Variants in PRKG1 observed in about 807,000 individuals in gnomAD.
The protein encoded by PRKG1 is cGMP-dependent protein kinase 1.
PRKG1 carries 35 observed loss-of-function variants against 88.1 expected under a neutral mutation model. The observed-to-expected ratio is 0.40, with a 90% confidence interval of 0.30 to 0.53. The LOEUF is 0.53. Ranked by LOEUF, PRKG1 falls within the 20% of genes least tolerant of loss-of-function variation. The pLI, the probability that PRKG1 is intolerant of heterozygous loss-of-function variation, is 0.59. For synonymous variants in PRKG1, 303 were observed against 292.5 expected (o/e 1.04, Z -0.37); for missense variants, 540 against 839.8 (o/e 0.64, Z 4.41).
In PRKG1 at chr10:51,080,017, G is replaced by A. The variant is rs184409107; in HGVS notation, c.311+5116G>A. On this transcript the variant is annotated intron_variant, in intron 1 of 17. Transcript: ENST00000373980. ...AGAATTGAACCTGAAGTTGTTTTTC[G>A]AAAGTCATCTTTCTTGTTTTTGTGG... Among the ~76,000 whole-genome samples the A allele has an allele frequency of 2.7e-3, 411 of 152,222 alleles. 1 individual carries two copies. Among genetic ancestry groups the A allele is most frequent in the African/African-American group, 9.3e-3 (385 of 41,530 alleles).
chr10:51,625,454 G>A (rs1490473774), intron 3 of PRKG1, among the ~76,000 whole-genome samples: 2 of 152,132 alleles, frequency 1.3e-5, no homozygotes, highest in Non-Finnish European at 2.9e-5. Flanking sequence ...TCCAGCCTGG[G>A]TGACAGAGTG....
chr10:51,342,923 C>A (rs900683748), intron 2 of PRKG1, among the ~76,000 whole-genome samples: 4 of 152,128 alleles, frequency 2.6e-5, no homozygotes, highest in African/African-American at 9.7e-5. Flanking sequence ...AGGAGGGGTT[C>A]ATCCATGAGA....
intron 9 of PRKG1, among the ~76,000 whole-genome samples, chr10:52,219,344 C>T (rs1840188387): frequency 6.6e-6 from 1 of 152,170 alleles, no homozygotes; most frequent in African/African-American, 2.4e-5. Flanking sequence ...TACAAACTCT[C>T]TGCATAAGAG....
chr10:51,699,254 T>C, intron 3 of PRKG1: 1 of 1,613,884 alleles, frequency 6.2e-7, no homozygotes, highest in Non-Finnish European at 8.5e-7. Flanking sequence ...CTTTAACTCC[T>C]CCTTATTCTT....
chr10:51,010,539 T>C (rs1156845578), intron 1 of PRKG1, among the ~76,000 whole-genome samples: 5 of 152,190 alleles, frequency 3.3e-5, no homozygotes, highest in Admixed American at 6.5e-5. Flanking sequence ...ATCCTAACTA[T>C]AATATAAACA....
chr10:52,094,283 T>C (rs1847123707), intron 7 of PRKG1, among the ~76,000 whole-genome samples: 1 of 152,200 alleles, frequency 6.6e-6, no homozygotes, highest in African/African-American at 2.4e-5. Context: ...ACTAGTTTAG[T>C]TCATACGTTT....
At chr10:51,355,896 C>T (rs547569120) in intron 2 of PRKG1, among the ~76,000 whole-genome samples, 2 of 152,096 alleles carry the variant, frequency 1.3e-5, no homozygotes, top group African/African-American at 2.4e-5. Context: ...ATCTTCTTGA[C>T]ACCCATGTTT....
chr10:51,991,318 C>A (rs929311755), intron 5 of PRKG1, among the ~76,000 whole-genome samples: 7 of 152,024 alleles, frequency 4.6e-5, no homozygotes, highest in African/African-American at 1.4e-4. Context: ...ATTTGATACT[C>A]TTTATCTTTG....
chr10:51,279,113 C>T (rs1285084613), intron 2 of PRKG1, among the ~76,000 whole-genome samples: 2 of 152,180 alleles, frequency 1.3e-5, no homozygotes, highest in Non-Finnish European at 2.9e-5. Context: ...TTTCCCTCTA[C>T]ACACTGCTTT....
intron 3 of PRKG1, among the ~76,000 whole-genome samples, chr10:51,508,213 G>T (rs1407426053): frequency 6.6e-6 from 1 of 152,144 alleles, no homozygotes; most frequent in Non-Finnish European, 1.5e-5. Flanking sequence ...GCTCAAGAAA[G>T]TTAGTTATTG....
At chr10:51,646,272 T>A (rs1839912997) in intron 3 of PRKG1, among the ~76,000 whole-genome samples, 2 of 152,180 alleles carry the variant, frequency 1.3e-5, no homozygotes. Context: ...TCTTAATCTG[T>A]AAAATAAATG....
At chr10:51,990,423 T>G (rs1844274611) in intron 5 of PRKG1, among the ~76,000 whole-genome samples, 1 of 152,068 alleles carries the variant, frequency 6.6e-6, no homozygotes, top group Admixed American at 6.6e-5. Flanking sequence ...CTTTGAGGAG[T>G]ATGCACATTT....
chr10:51,496,125 G>A (rs779251626), intron 3 of PRKG1, among the ~76,000 whole-genome samples: 1 of 152,078 alleles, frequency 6.6e-6, no homozygotes, highest in Non-Finnish European at 1.5e-5. Flanking sequence ...AAATACACTG[G>A]TACAAAATTC....
At chr10:51,374,093 A>T (rs1915670) in intron 2 of PRKG1, among the ~76,000 whole-genome samples, 1,180 of 100,186 alleles carry the variant, frequency 0.012, 36 homozygotes, top group African/African-American at 0.031. Flanking sequence ...AAAAAAAAAA[A>T]ATATATATAT....
intron 3 of PRKG1, among the ~76,000 whole-genome samples, chr10:51,494,046 T>G (rs1840783858): frequency 6.6e-6 from 1 of 152,206 alleles, no homozygotes; most frequent in South Asian, 2.1e-4. Flanking sequence ...TATTGATTGA[T>G]TTTTTAATTT....
chr10:51,523,302 G>T (rs1841785870), intron 3 of PRKG1, among the ~76,000 whole-genome samples: 1 of 152,144 alleles, frequency 6.6e-6, no homozygotes, highest in Non-Finnish European at 1.5e-5. Flanking sequence ...GTGAGTCCAT[G>T]AGAACGGTAA....
At chr10:52,035,953 T>A (rs534077522) in intron 5 of PRKG1, among the ~76,000 whole-genome samples, 72 of 152,326 alleles carry the variant, frequency 4.7e-4, no homozygotes, top group African/African-American at 1.7e-3. Context: ...CTGACCACGC[T>A]AACCATGCCT....
intron 1 of PRKG1, among the ~76,000 whole-genome samples, chr10:51,068,965 A>AT (rs1018089010): frequency 6.6e-5 from 10 of 151,804 alleles, no homozygotes; most frequent in South Asian, 2.1e-4. Context: ...ATTTTTCTTG[A>AT]TTTTTTTTCT....
At chr10:51,125,243 G>A (rs190024785) in intron 1 of PRKG1, among the ~76,000 whole-genome samples, 4 of 152,148 alleles carry the variant, frequency 2.6e-5, no homozygotes, top group African/African-American at 7.2e-5. Context: ...AGGATCACTT[G>A]AGCCTGGAAA....
Sources: allele counts gnomAD v4.1 joint callset (sites outside exome capture counted in the v4.1 genomes callset), GRCh38; gene constraint gnomAD v4.1.1; transcripts MANE v1.5; gene names NCBI Gene and HGNC (gene_info 2026-07-23, HGNC 2026-07-21).